The following CNBD1 variants were observed in gnomAD, a reference collection of about 807,000 sequenced individuals.
The protein encoded by CNBD1 is cyclic nucleotide-binding domain-containing protein 1.
CNBD1 carries 71 observed loss-of-function variants against 54.4 expected under a neutral mutation model. That is an observed-to-expected ratio of 1.30 (90% CI 1.08 to 1.59). The LOEUF (loss-of-function observed/expected upper bound fraction) is 1.59. Among genes scored for constraint, CNBD1 ranks in the 40% most tolerant of loss-of-function variants. CNBD1 has a pLI of 0.00. For missense variants in CNBD1, 659 were observed against 518.0 expected (o/e 1.27, Z -2.64); for synonymous variants, 182 against 170.7 (o/e 1.07, Z -0.51).
Position 87,332,736 on chromosome 8 carries a change from T to C in CNBD1, c.1043-18949T>C, listed in dbSNP as rs769715382. ...GTCTCTATTATGTTTCATTGGTCTGTATGTCTGTTTTTGTACAAGTACCAT... is the reference window on the plus strand; with the variant it reads ...GTCTCTATTATGTTTCATTGGTCTGCATGTCTGTTTTTGTACAAGTACCAT... On this transcript the variant is annotated intron_variant, in intron 8 of 10. Transcript: ENST00000518476. Among the ~76,000 whole-genome samples the C allele has an allele frequency of 2.0e-4, 31 of 152,278 alleles. 1 individual carries two copies. Among genetic ancestry groups the C allele is most frequent in the Middle Eastern group, 3.4e-3 (1 of 294 alleles).
intron 4 of CNBD1, among the ~76,000 whole-genome samples, chr8:87,097,296 A>T (rs1018203822): frequency 3.3e-5 from 5 of 152,144 alleles, no homozygotes; most frequent in Non-Finnish European, 1.5e-5. Flanking sequence ...GAATCTAAGG[A>T]CTGGAAAATT....
chr8:87,420,532 G>C (rs762191765), intron 2 of CNBD1, among the ~76,000 whole-genome samples: 1 of 152,056 alleles, frequency 6.6e-6, no homozygotes, highest in East Asian at 1.9e-4. Context: ...AAAGTTTGCT[G>C]ATACTCGGAG....
At chr8:87,119,304 G>T (rs1309258667) in intron 4 of CNBD1, among the ~76,000 whole-genome samples, 1 of 150,156 alleles carries the variant, frequency 6.7e-6, no homozygotes, top group Non-Finnish European at 1.5e-5. Flanking sequence ...TTTACTTCTT[G>T]GGTTAAATTA....
chr8:87,173,773 C>T (rs1031376655), intron 4 of CNBD1, among the ~76,000 whole-genome samples: 2 of 151,274 alleles, frequency 1.3e-5, no homozygotes, highest in African/African-American at 2.4e-5. Flanking sequence ...GTTCTATAAC[C>T]TTCTTGTACA....
chr8:86,942,737 C>T (rs545167588), intron 4 of CNBD1, among the ~76,000 whole-genome samples: 1 of 152,200 alleles, frequency 6.6e-6, no homozygotes, highest in Admixed American at 6.5e-5. Context: ...ATAGATTCTG[C>T]CCCCACTCCC....
intron 4 of CNBD1, among the ~76,000 whole-genome samples, chr8:87,045,422 C>G (rs1810160721): frequency 6.6e-6 from 1 of 152,102 alleles, no homozygotes; most frequent in Non-Finnish European, 1.5e-5. Flanking sequence ...AAGTTTTATT[C>G]CAATTGGCTA....
intron 6 of CNBD1, among the ~76,000 whole-genome samples, chr8:87,281,860 A>T (rs947898018): frequency 1.3e-5 from 2 of 151,278 alleles, no homozygotes; most frequent in African/African-American, 4.8e-5. Flanking sequence ...GATAAAAACC[A>T]TGTGGTATTA....
chr8:87,425,631 G>T (rs573647882), intron 2 of CNBD1, among the ~76,000 whole-genome samples: 3 of 151,526 alleles, frequency 2.0e-5, no homozygotes, highest in South Asian at 4.2e-4. Context: ...TAGGCTGCTC[G>T]GGGGTCAGGG....
At chr8:87,302,911 T>C (rs140929019) in intron 8 of CNBD1, among the ~76,000 whole-genome samples, 24,490 of 151,630 alleles carry the variant, frequency 0.16, 2,423 homozygotes, top group South Asian at 0.23. Context: ...ATAAAATACC[T>C]AGGAATCCAA....
At chr8:87,361,289 T>C (rs539673030) in intron 10 of CNBD1, among the ~76,000 whole-genome samples, 1 of 152,032 alleles carries the variant, frequency 6.6e-6, no homozygotes, top group South Asian at 2.1e-4. Flanking sequence ...GAAATGTTTT[T>C]TGAGGAAAAA....
chr8:87,243,330 A>G (rs2336979), intron 6 of CNBD1, among the ~76,000 whole-genome samples: 46,639 of 152,128 alleles, frequency 0.31, 8,101 homozygotes, highest in African/African-American at 0.48. Context: ...ACAAGAACAT[A>G]TTCCAATTAA....
At chr8:86,920,938 A>G (rs1483511864) in intron 3 of CNBD1, among the ~76,000 whole-genome samples, 1 of 152,122 alleles carries the variant, frequency 6.6e-6, no homozygotes. Flanking sequence ...TGCATAGTCT[A>G]GATGGCCTAT....
chr8:87,406,457 C>A, intron 2 of CNBD1, among the ~76,000 whole-genome samples: 1 of 136,284 alleles, frequency 7.3e-6, no homozygotes, highest in Non-Finnish European at 1.5e-5. Flanking sequence ...TACACACACA[C>A]ACACACACAC....
chr8:87,318,975 A>T (rs1358701078), intron 8 of CNBD1, among the ~76,000 whole-genome samples: 1 of 152,150 alleles, frequency 6.6e-6, no homozygotes, highest in African/African-American at 2.4e-5. Context: ...ATAATGAAAT[A>T]AACTTGGAGC....
Position 87,030,529 on chromosome 8 carries a change from A to G in CNBD1, c.431+90775A>G, listed in dbSNP as rs571612050. Among the ~76,000 whole-genome samples the G allele has an allele frequency of 4.6e-5, 7 of 152,274 alleles. No homozygotes were observed. In the East Asian group the frequency reaches 5.8e-4, roughly 13 times the overall value. ...TTTCACTCCTTTATCTCCATGCTACATATCCTTTTGCTCTTTTTTTAATCT... is the reference window on the plus strand; with the variant it reads ...TTTCACTCCTTTATCTCCATGCTACGTATCCTTTTGCTCTTTTTTTAATCT... On this transcript the variant is annotated intron_variant, in intron 4 of 10. Coordinates refer to ENST00000518476, the MANE Select transcript of CNBD1 (RefSeq NM_173538.3).
At chr8:87,102,236 G>A (rs759317297) in intron 4 of CNBD1, among the ~76,000 whole-genome samples, 6 of 152,212 alleles carry the variant, frequency 3.9e-5, no homozygotes, top group Non-Finnish European at 8.8e-5. Context: ...AGTAAACTTG[G>A]TGTAAGAAAG....
intron 10 of CNBD1, among the ~76,000 whole-genome samples, chr8:87,364,801 A>G (rs1401095208): frequency 6.6e-6 from 1 of 151,972 alleles, no homozygotes; most frequent in African/African-American, 2.4e-5. Context: ...TTCCATCCAC[A>G]TTCCTGCAAA....
At chr8:87,077,534 A>G (rs1810899055) in intron 4 of CNBD1, among the ~76,000 whole-genome samples, 1 of 144,530 alleles carries the variant, frequency 6.9e-6, no homozygotes, top group Non-Finnish European at 1.5e-5. Context: ...TACATTAGGT[A>G]TTTCTCCTAA....
chr8:86,901,222 A>C (rs1808928032), intron 2 of CNBD1, among the ~76,000 whole-genome samples: 1 of 152,144 alleles, frequency 6.6e-6, no homozygotes, highest in African/African-American at 2.4e-5. Flanking sequence ...ATATAGAGTC[A>C]GCTTAATTCA....
Sources: allele counts gnomAD v4.1 joint callset (sites outside exome capture counted in the v4.1 genomes callset), GRCh38; gene constraint gnomAD v4.1.1; transcripts MANE v1.5; gene names NCBI Gene and HGNC (gene_info 2026-07-23, HGNC 2026-07-21).